The following BDP1 variants were observed in gnomAD, a reference collection of about 807,000 sequenced individuals.
BDP1 encodes the protein transcription factor TFIIIB component B'' homolog.
BDP1 carries 169 observed loss-of-function variants against 266.6 expected under a neutral mutation model. That is an observed-to-expected ratio of 0.63 (90% CI 0.56 to 0.72). The LOEUF (loss-of-function observed/expected upper bound fraction) is 0.72, where lower values mean the gene tolerates loss of function less well. Among genes scored for constraint, BDP1 ranks in the 30% least tolerant of loss-of-function variants. The pLI is 0.00. For synonymous variants in BDP1, 1,090 were observed against 1,022.4 expected, an observed-to-expected ratio of 1.07 and a Z score of -1.26; for missense variants, 3,015 against 3,053.8, an observed-to-expected ratio of 0.99 and a Z score of 0.30.
chr5:71,525,156 T>G (rs947556091), intron 25 of BDP1, among the ~76,000 whole-genome samples: 1 of 152,184 alleles, frequency 6.6e-6, no homozygotes, highest in Non-Finnish European at 1.5e-5. Flanking sequence ...TGAGTACACC[T>G]CGCAGACGGG....
In BDP1 at chr5:71,478,653, T is replaced by C. The variant is rs547234185; in HGVS notation, c.1015-5189T>C. On this transcript the variant is annotated intron_variant, in intron 7 of 38. Transcript: ENST00000358731. ...GATTAATTATATTTCTCTGGCTGTT[T>C]TCAGGATTTTTTTTTTTTAATTTTA... 6.6e-5 allele frequency among the ~76,000 whole-genome samples: 10 copies of C among 152,070 alleles called. No homozygotes were observed. In the South Asian group the frequency reaches 2.1e-3, roughly 32 times the overall value.
chr5:71,528,861 A>T (rs181499606), intron 25 of BDP1, among the ~76,000 whole-genome samples: 3 of 152,242 alleles, frequency 2.0e-5, no homozygotes, highest in African/African-American at 7.2e-5. Context: ...ATGCTGCATG[A>T]GAGTTCATTT....
intron 1 of BDP1, among the ~76,000 whole-genome samples, chr5:71,456,346 T>C (rs1305897916): frequency 6.6e-6 from 1 of 152,190 alleles, no homozygotes; most frequent in African/African-American, 2.4e-5. Flanking sequence ...AGAATCGGGG[T>C]ATGGCAGTCC....
At chr5:71,498,240 G>C (rs1410946832) in intron 13 of BDP1, among the ~76,000 whole-genome samples, 2 of 149,104 alleles carry the variant, frequency 1.3e-5, no homozygotes, top group Admixed American at 6.7e-5. Flanking sequence ...GTGAGCCACC[G>C]CACCCGGCCT....
At chr5:71,562,054 C>T (rs1181988356) in intron 37 of BDP1, among the ~76,000 whole-genome samples, 1 of 151,914 alleles carries the variant, frequency 6.6e-6, no homozygotes, top group Non-Finnish European at 1.5e-5. Flanking sequence ...ACCAGCCTGA[C>T]CAACATGGTG....
chr5:71,457,473 G>A (rs1761271309), intron 1 of BDP1, among the ~76,000 whole-genome samples: 1 of 151,556 alleles, frequency 6.6e-6, no homozygotes, highest in African/African-American at 2.4e-5. Context: ...GCCCCACCAC[G>A]CCCAACTAAT....
chr5:71,460,158 T>C (rs976377735), intron 2 of BDP1, among the ~76,000 whole-genome samples: 26 of 152,324 alleles, frequency 1.7e-4, no homozygotes, highest in African/African-American at 5.5e-4. Context: ...GGTGGGCGGA[T>C]CACCTGAGGT....
At chr5:71,477,819 C>T (rs939357529) in intron 7 of BDP1, among the ~76,000 whole-genome samples, 2 of 151,684 alleles carry the variant, frequency 1.3e-5, no homozygotes, top group African/African-American at 4.8e-5. Flanking sequence ...GGGGTTTTGC[C>T]ATGTCGCCCA....
rs769075046 is a variant in BDP1 at position 71,491,020 on chromosome 5, G to A, written c.1529G>A (p.Gly510Asp). 3 of 1,613,234 alleles carry A rather than the reference G, an allele frequency of 1.9e-6. No individual in the cohort carries two copies. The highest frequency in any genetic ancestry group is 3.3e-5 in the Admixed American group (2 of 59,906). The change falls in exon 11 of 39, where the codon GGT becomes GAT. Residue 510 changes from glycine to aspartate, a missense_variant. Physicochemically the swap from Gly to Asp is moderately conservative, Grantham distance 94 (BLOSUM62 -1). Coordinates refer to ENST00000358731, the MANE Select transcript of BDP1 (RefSeq NM_018429.3). Reference protein sequence around the residue: ...CQAIRPELKEGECSKEQMLSC... With the variant: ...CQAIRPELKEDECSKEQMLSC... ...GCTATAAGGCCTGAGCTAAAGGAAGGTGAATGCAGTAAGGAGCAGATGCTT... is the reference window on the plus strand; with the variant it reads ...GCTATAAGGCCTGAGCTAAAGGAAGATGAATGCAGTAAGGAGCAGATGCTT...
Position 71,522,742 on chromosome 5 carries a change from T to A in BDP1, c.5194-14T>A. Reference sequence around the variant, plus strand: ...TTCTGTAGTAATACTAGCTAATTTCTTCTTAAATTTAAGGAAAAAGCTGAG... The same window carrying A: ...TTCTGTAGTAATACTAGCTAATTTCATCTTAAATTTAAGGAAAAAGCTGAG... On this transcript the variant is annotated splice_polypyrimidine_tract_variant and intron_variant, in intron 23 of 38. Transcript: ENST00000358731. The A allele has an allele frequency of 1.3e-6, 2 of 1,575,970 alleles. No homozygotes were observed. The highest frequency in any genetic ancestry group is 8.6e-7 in the Non-Finnish European group (1 of 1,167,830).
chr5:71,489,098 A>G (rs1373994283), intron 9 of BDP1, among the ~76,000 whole-genome samples: 3 of 152,160 alleles, frequency 2.0e-5, no homozygotes, highest in Non-Finnish European at 4.4e-5. Context: ...GCATCTCTAT[A>G]TGTAACTGTT....
At position 71,464,715 on chromosome 5, in the gene BDP1, G is replaced by GTTTTTTT. The variant is rs567761591; in HGVS notation, c.659+614_659+620dup. 1.4e-4 allele frequency among the ~76,000 whole-genome samples: 12 copies of GTTTTTTT among 88,058 alleles called. 2 individuals carry two copies. Among genetic ancestry groups the GTTTTTTT allele is most frequent in the Non-Finnish European group, 1.5e-4 (7 of 46,502 alleles). 57.8% of individuals were successfully genotyped at this position (88,058 alleles called of 152,430 possible). ...CCACCACGGTTGGCTAAATTTTTTA[G>GTTTTTTT]TTTTTTTTTTTTTTTTTTTTTTGAG... On this transcript the variant is annotated intron_variant, in intron 4 of 38. Transcript: ENST00000358731.
intron 7 of BDP1, among the ~76,000 whole-genome samples, chr5:71,481,993 C>T (rs1452941721): frequency 1.3e-5 from 2 of 152,114 alleles, no homozygotes; most frequent in East Asian, 1.9e-4. Flanking sequence ...TTTCTGGTGT[C>T]TGAGGTGAAT....
chr5:71,512,726 G>T (rs1045330481), intron 18 of BDP1, among the ~76,000 whole-genome samples: 1 of 152,030 alleles, frequency 6.6e-6, no homozygotes, highest in Non-Finnish European at 1.5e-5. Context: ...TGGTTTTCAG[G>T]ATCTGCCAGA....
At chr5:71,524,422 G>C in intron 25 of BDP1, 99 bp downstream of exon 25, 1 of 1,252,088 alleles carries the variant, frequency 8.0e-7, no homozygotes, top group Non-Finnish European at 1.1e-6. Flanking sequence ...TGATTATTAG[G>C]ATTTGAAGAG....
At chr5:71,563,017 G>A in intron 38 of BDP1, 2 of 498,902 alleles carry the variant, frequency 4.0e-6, no homozygotes, top group Non-Finnish European at 6.0e-6. Context: ...ATGAGCCTTT[G>A]GAAGGGGTAC....
At chr5:71,550,759 G>A (rs184409613) in intron 34 of BDP1, among the ~76,000 whole-genome samples, 2 of 152,304 alleles carry the variant, frequency 1.3e-5, no homozygotes, top group East Asian at 1.9e-4. Context: ...CAGGTGGAGT[G>A]TAGTGGCGTG....
chr5:71,461,238 C>T (rs1350522570), intron 2 of BDP1, among the ~76,000 whole-genome samples: 1 of 152,090 alleles, frequency 6.6e-6, no homozygotes, highest in African/African-American at 2.4e-5. Flanking sequence ...CCTCAGCCTC[C>T]CAAAGTGCTG....
chr5:71,460,577 A>G (rs1290229113), intron 2 of BDP1, among the ~76,000 whole-genome samples: 1 of 152,158 alleles, frequency 6.6e-6, no homozygotes, highest in Non-Finnish European at 1.5e-5. Context: ...TTCACACAGG[A>G]GAAAACAAGC....
Sources: allele counts gnomAD v4.1 joint callset (sites outside exome capture counted in the v4.1 genomes callset), GRCh38; gene constraint gnomAD v4.1.1; transcripts MANE v1.5; gene names NCBI Gene and HGNC (gene_info 2026-07-23, HGNC 2026-07-21).